The following RALYL variants were observed in gnomAD, a reference collection of about 807,000 sequenced individuals.
RALYL encodes the protein RNA-binding Raly-like protein.
RALYL carries 29 observed loss-of-function variants against 35.1 expected under a neutral mutation model. The ratio of observed to expected loss-of-function variants is 0.83; its 90% CI spans 0.61 to 1.13. The LOEUF (loss-of-function observed/expected upper bound fraction) is 1.13, where lower values mean the gene tolerates loss of function less well. Ranked by LOEUF, RALYL falls within the 50% of genes most tolerant of loss-of-function variation. The pLI, the probability that RALYL is intolerant of heterozygous loss-of-function variation, is 0.00. For missense variants in RALYL, 359 were observed against 360.4 expected, an observed-to-expected ratio of 1.00 and a Z score of 0.03; for synonymous variants, 120 against 127.6, an observed-to-expected ratio of 0.94 and a Z score of 0.40.
At chr8:84,782,663 T>C (rs918708687) in intron 3 of RALYL, among the ~76,000 whole-genome samples, 3 of 152,250 alleles carry the variant, frequency 2.0e-5, no homozygotes, top group Non-Finnish European at 4.4e-5. Context: ...TATATTCTCC[T>C]GGCATCTCAC....
chr8:84,794,751 T>C (rs1586317369), intron 3 of RALYL, among the ~76,000 whole-genome samples: 2 of 152,312 alleles, frequency 1.3e-5, no homozygotes, highest in Admixed American at 1.3e-4. Context: ...ATTTCAATTA[T>C]CCTAGGAGAA....
intron 1 of RALYL, among the ~76,000 whole-genome samples, chr8:84,260,017 T>A (rs982191432): frequency 3.3e-5 from 5 of 152,142 alleles, no homozygotes; most frequent in Admixed American, 6.6e-5. Flanking sequence ...AAACTGACTG[T>A]GTATTTTATT....
chr8:84,203,550 C>T (rs1012928288), intron 1 of RALYL, among the ~76,000 whole-genome samples: 6 of 152,082 alleles, frequency 3.9e-5, no homozygotes, highest in Non-Finnish European at 7.4e-5. Context: ...AACAATTTTA[C>T]AGAATAATTT....
chr8:84,516,437 T>C (rs2058070068), intron 1 of RALYL, among the ~76,000 whole-genome samples: 1 of 145,582 alleles, frequency 6.9e-6, no homozygotes, highest in African/African-American at 2.5e-5. Flanking sequence ...AGCTACTTTG[T>C]GGCTCGTTTT....
chr8:84,844,975 G>C (rs1762310709), intron 4 of RALYL, among the ~76,000 whole-genome samples: 1 of 151,998 alleles, frequency 6.6e-6, no homozygotes, highest in South Asian at 2.1e-4. Context: ...TTGTGGGGTG[G>C]GGGAAGGGGG....
rs117147513 is a variant in RALYL at position 84,274,685 on chromosome 8, A to G, written c.-24+90261A>G. Among the ~76,000 whole-genome samples, 22 of 152,256 alleles carry G rather than the reference A, an allele frequency of 1.4e-4. No homozygotes were observed. The East Asian group carries it at 3.7e-3, about 25-fold the overall frequency. Reference sequence around the variant, plus strand: ...TGTGTAATTCAGGAATTGTATCTCTATAAGTCATGAAAATCTAATTCAAAT... The same window carrying G: ...TGTGTAATTCAGGAATTGTATCTCTGTAAGTCATGAAAATCTAATTCAAAT... On this transcript the variant is annotated intron_variant, in intron 1 of 8. Coordinates refer to ENST00000521268, the MANE Select transcript of RALYL (RefSeq NM_173848.7).
chr8:84,695,894 ACTC>A (rs1315233572), intron 2 of RALYL, among the ~76,000 whole-genome samples: 1 of 151,646 alleles, frequency 6.6e-6, no homozygotes, highest in Non-Finnish European at 1.5e-5. Context: ...GTTACCCATG[ACTC>A]CATTCTTTAA....
chr8:84,849,360 T>C lies in RALYL; in HGVS notation c.366-620T>C, dbSNP rs900270599. ...CAAGGAACCACATTTCTATTCACCA[T>C]TTCTATAATGAATGGGTTATTAAAC... On this transcript the variant is annotated intron_variant, in intron 4 of 8. Coordinates refer to ENST00000521268, the MANE Select transcript of RALYL (RefSeq NM_173848.7). Among the ~76,000 whole-genome samples, 31 of 152,180 alleles carry C rather than the reference T, an allele frequency of 2.0e-4. 1 individual carries two copies. Among genetic ancestry groups the C allele is most frequent in the Admixed American group, 1.5e-3 (23 of 15,274 alleles).
intron 1 of RALYL, among the ~76,000 whole-genome samples, chr8:84,405,393 A>G (rs961658521): frequency 3.3e-5 from 5 of 152,080 alleles, no homozygotes; most frequent in Admixed American, 3.3e-4. Flanking sequence ...GACATGAAAA[A>G]CCCTTCAAAA....
At chr8:84,529,838 A>C (rs1044560527) in intron 2 of RALYL, among the ~76,000 whole-genome samples, 2 of 152,208 alleles carry the variant, frequency 1.3e-5, no homozygotes, top group Non-Finnish European at 2.9e-5. Flanking sequence ...CCAGGCAAAT[A>C]ATAAATATGC....
intron 1 of RALYL, among the ~76,000 whole-genome samples, 182 bp from the exon 2 acceptor site, chr8:84,529,117 C>T (rs1355030650): frequency 6.6e-6 from 1 of 152,050 alleles, no homozygotes; most frequent in Non-Finnish European, 1.5e-5. Flanking sequence ...TTTAGCAATG[C>T]AATACTTACC....
chr8:84,279,336 C>T (rs1375940662), intron 1 of RALYL, among the ~76,000 whole-genome samples: 2 of 152,106 alleles, frequency 1.3e-5, no homozygotes, highest in Non-Finnish European at 2.9e-5. Context: ...GGATGTTCCT[C>T]CAAGTTCTGT....
At chr8:84,817,187 A>AT (rs1453943964) in intron 4 of RALYL, among the ~76,000 whole-genome samples, 1 of 151,948 alleles carries the variant, frequency 6.6e-6, no homozygotes, top group Non-Finnish European at 1.5e-5. Context: ...TCACGAACCC[A>AT]TTTTCCTTGA....
chr8:84,293,230 AAG>A (rs1228198570), intron 1 of RALYL, among the ~76,000 whole-genome samples: 5 of 152,142 alleles, frequency 3.3e-5, no homozygotes, highest in Non-Finnish European at 7.4e-5. Flanking sequence ...TAGGAAGAAA[AAG>A]AGAGCGAGAG....
intron 1 of RALYL, among the ~76,000 whole-genome samples, chr8:84,470,698 T>C (rs540524002): frequency 5.9e-5 from 9 of 152,318 alleles, no homozygotes; most frequent in African/African-American, 1.7e-4. Context: ...TCTTATGATA[T>C]GCCAGCAGTG....
intron 2 of RALYL, among the ~76,000 whole-genome samples, chr8:84,750,733 C>T (rs1485102187): frequency 1.3e-5 from 2 of 152,044 alleles, no homozygotes; most frequent in Non-Finnish European, 2.9e-5. Flanking sequence ...GGAGACCTGA[C>T]CTAGCATGCT....
At chr8:84,407,069 AAC>A (rs142315273) in intron 1 of RALYL, among the ~76,000 whole-genome samples, 11,465 of 140,762 alleles carry the variant, frequency 0.081, 524 homozygotes, top group African/African-American at 0.14. Flanking sequence ...CACACACACA[AAC>A]ACACACACAC....
At chr8:84,799,979 A>C (rs1015307986) in intron 3 of RALYL, among the ~76,000 whole-genome samples, 5 of 152,120 alleles carry the variant, frequency 3.3e-5, no homozygotes, top group South Asian at 2.1e-4. Context: ...TAAATAAATA[A>C]AATAAGGGAG....
Position 84,828,731 on chromosome 8 carries a change from G to C in RALYL, c.366-21249G>C, listed in dbSNP as rs568477156. On this transcript the variant is annotated intron_variant, in intron 4 of 8. Transcript: ENST00000521268. ...CAAGTTGATAACAATTTGCCAAGCT[G>C]TCTTCCTCTGCATTCACTGCTAACA... 21 of 173,750 alleles carry C rather than the reference G, an allele frequency of 1.2e-4. No individual in the cohort carries two copies. The Middle Eastern group carries it at 9.1e-3, about 76-fold the overall frequency. The allele number at this position is 173,750 out of a possible 1,614,324, so 10.8% of individuals were successfully genotyped here. A position where few individuals can be genotyped will look rare whatever the true frequency, so the allele number is the denominator to read the frequency against.
Sources: gnomAD v4.1 joint callset for allele counts (sites outside exome capture counted in the v4.1 genomes callset) on GRCh38, gnomAD v4.1.1 for gene constraint, MANE v1.5 for transcripts, NCBI Gene and HGNC (gene_info 2026-07-23, HGNC 2026-07-21) for gene names.